SV2B: variants seen among roughly 807,000 people sequenced by gnomAD.
SV2B encodes the protein synaptic vesicle glycoprotein 2B, also known as solute carrier family 22 member B2.
Under a neutral mutation model 73.9 loss-of-function variants are expected in SV2B, and 41 were observed. That is an observed-to-expected ratio of 0.56 (90% CI 0.43 to 0.72). SV2B has a LOEUF of 0.72. Among genes scored for constraint, SV2B ranks in the 30% least tolerant of loss-of-function variants. The probability of loss-of-function intolerance (pLI) is 0.00; values close to 1 mark genes in which losing one functional copy is unlikely to be tolerated. For synonymous variants in SV2B, 314 were observed against 314.2 expected, an observed-to-expected ratio of 1.00 and a Z score of 0.01; for missense variants, 764 against 857.8, an observed-to-expected ratio of 0.89 and a Z score of 1.37.
intron 1 of SV2B, among the ~76,000 whole-genome samples, chr15:91,203,459 G>T (rs867904874): frequency 1.3e-5 from 2 of 152,226 alleles, no homozygotes; most frequent in African/African-American, 4.8e-5. Flanking sequence ...AAAGCATCAA[G>T]AATGTTCTAT....
intron 1 of SV2B, among the ~76,000 whole-genome samples, chr15:91,213,793 T>C (rs1012429169): frequency 6.6e-6 from 1 of 152,212 alleles, no homozygotes; most frequent in African/African-American, 2.4e-5. Flanking sequence ...GTTATGTTAT[T>C]GATGGTAGCC....
At chr15:91,262,140 T>C (rs1219652249) in intron 6 of SV2B, among the ~76,000 whole-genome samples, 1 of 152,234 alleles carries the variant, frequency 6.6e-6, no homozygotes, top group East Asian at 1.9e-4. Flanking sequence ...TTTGACACTT[T>C]CTAGCTGTGT....
Position 91,229,624 on chromosome 15 carries a change from G to A in SV2B, c.451+2910G>A, listed in dbSNP as rs2046496032. ...TGTTTGCAAAATGGAGATAATAATAGTATCTACTTCATAGGATTATTCTGA... is the reference window on the plus strand; with the variant it reads ...TGTTTGCAAAATGGAGATAATAATAATATCTACTTCATAGGATTATTCTGA... On this transcript the variant is annotated intron_variant, in intron 2 of 12. Coordinates refer to ENST00000394232, the MANE Select transcript of SV2B (RefSeq NM_001323032.3). The surrounding 1 kb of genome is among the most constrained non-coding windows in gnomAD (Gnocchi z 4.3). 6.6e-6 allele frequency among the ~76,000 whole-genome samples: 1 copy of A among 152,062 alleles called. No individual in the cohort carries two copies. The highest frequency in any genetic ancestry group is 2.4e-5 in the African/African-American group (1 of 41,412).
chr15:91,227,428 T>C lies in SV2B; in HGVS notation c.451+714T>C, dbSNP rs1255982277. Reference sequence around the variant, plus strand: ...GAGACGGTGTGCACAAATGGTGTGATGTAGAAAAGATTCATCATCATATGG... The same window carrying C: ...GAGACGGTGTGCACAAATGGTGTGACGTAGAAAAGATTCATCATCATATGG... On this transcript the variant is annotated intron_variant, in intron 2 of 12. Transcript: ENST00000394232. This position sits in a 1 kb window ranked among gnomAD's most constrained non-coding sequence, Gnocchi z 4.5. 5.3e-5 allele frequency among the ~76,000 whole-genome samples: 8 copies of C among 152,330 alleles called. No homozygotes were observed. Among genetic ancestry groups the C allele is most frequent in the African/African-American group, 1.9e-4 (8 of 41,574 alleles).
Position 91,180,997 on chromosome 15 carries a change from C to T in SV2B, c.-391-44876C>T, listed in dbSNP as rs561359193. On this transcript the variant is annotated intron_variant, in intron 1 of 12. Transcript: ENST00000394232. ...CTTTTTAGAGTTTCCATTTTTTCTG[C>T]TCTGTTTTTTCCCCATCTTTGTGGT... Among the ~76,000 whole-genome samples, 6 of 152,298 alleles carry T rather than the reference C, an allele frequency of 3.9e-5. No individual in the cohort carries two copies. In the South Asian group the frequency reaches 6.2e-4, roughly 16 times the overall value.
chr15:91,218,259 G>T (rs1359986374), intron 1 of SV2B, among the ~76,000 whole-genome samples: 1 of 152,202 alleles, frequency 6.6e-6, no homozygotes, highest in Non-Finnish European at 1.5e-5. Flanking sequence ...ACCAAGGCCT[G>T]TCTGCTCAGT....
chr15:91,209,068 A>T (rs2045747774), intron 1 of SV2B, among the ~76,000 whole-genome samples: 1 of 150,142 alleles, frequency 6.7e-6, no homozygotes, highest in Non-Finnish European at 1.5e-5. Context: ...GTTGCTTGCC[A>T]GTTAGCCATC....
intron 1 of SV2B, among the ~76,000 whole-genome samples, chr15:91,154,267 A>G (rs1481984351): frequency 1.3e-5 from 2 of 151,938 alleles, no homozygotes. Context: ...ATCTCTGGAA[A>G]GAGACTATTT....
At chr15:91,179,382 G>A (rs2044457845) in intron 1 of SV2B, among the ~76,000 whole-genome samples, 2 of 152,196 alleles carry the variant, frequency 1.3e-5, no homozygotes, top group Admixed American at 1.3e-4. Context: ...GATTTGGGGT[G>A]GAGAGTTCTG....
intron 1 of SV2B, among the ~76,000 whole-genome samples, chr15:91,155,327 A>C (rs2043451187): frequency 6.6e-6 from 1 of 152,210 alleles, no homozygotes; most frequent in Non-Finnish European, 1.5e-5. Context: ...AGTGAGTATT[A>C]ACTGTAGATG....
intron 9 of SV2B, among the ~76,000 whole-genome samples, chr15:91,279,910 C>A (rs2048630734): frequency 6.6e-6 from 1 of 152,166 alleles, no homozygotes; most frequent in East Asian, 1.9e-4. Flanking sequence ...TTAGTGATAG[C>A]TTTTGGAGGC....
In SV2B at chr15:91,265,934, A is replaced by C. The variant is rs2048083788; in HGVS notation, c.1009-648A>C. On this transcript the variant is annotated intron_variant, in intron 6 of 12. Coordinates refer to ENST00000394232, the MANE Select transcript of SV2B (RefSeq NM_001323032.3). This position sits in a 1 kb window ranked among gnomAD's most constrained non-coding sequence, Gnocchi z 4.2. ...AAGGCAGGTGGATCACGAGGCCAGGAGATGGAGACCATCCTGGCCAACATG... is the reference window on the plus strand; with the variant it reads ...AAGGCAGGTGGATCACGAGGCCAGGCGATGGAGACCATCCTGGCCAACATG... 6.6e-6 allele frequency among the ~76,000 whole-genome samples: 1 copy of C among 152,226 alleles called. No homozygotes were observed. The highest frequency in any genetic ancestry group is 1.5e-5 in the Non-Finnish European group (1 of 68,034).
chr15:91,257,859 C>T (rs187353291), intron 4 of SV2B, among the ~76,000 whole-genome samples: 20 of 152,218 alleles, frequency 1.3e-4, no homozygotes, highest in Admixed American at 1.2e-3. Context: ...CTCAAGAAAT[C>T]AAGACAGGAG....
In SV2B at chr15:91,128,437, A is replaced by C. The variant is rs1161649949; in HGVS notation, c.-392+28074A>C. ...CCCGCAAACCCTCACCTGGCTGAAT[A>C]TGAGATCCCTACATTGCTATTGGCG... is the stretch of plus-strand genomic sequence containing the variant. On this transcript the variant is annotated intron_variant, in intron 1 of 12. Transcript: ENST00000394232. This position sits in a 1 kb window ranked among gnomAD's most constrained non-coding sequence, Gnocchi z 4.2. Among the ~76,000 whole-genome samples the C allele has an allele frequency of 6.6e-6, 1 of 152,188 alleles. No individual in the cohort carries two copies. The highest frequency in any genetic ancestry group is 1.5e-5 in the Non-Finnish European group (1 of 68,036).
chr15:91,138,847 A>C (rs2042920010), intron 1 of SV2B, among the ~76,000 whole-genome samples: 1 of 152,216 alleles, frequency 6.6e-6, no homozygotes, highest in South Asian at 2.1e-4. Context: ...GTATAGGACA[A>C]ACTATCTGGT....
intron 1 of SV2B, among the ~76,000 whole-genome samples, chr15:91,168,968 A>AGAGAGAAC (rs2044017174): frequency 1.3e-5 from 2 of 152,326 alleles, no homozygotes; most frequent in African/African-American, 4.8e-5. Flanking sequence ...TCTTATCTGC[A>AGAGAGAAC]GAGAGAACCT....
chr15:91,262,459 A>AT (rs916219211), intron 6 of SV2B, among the ~76,000 whole-genome samples: 5 of 152,080 alleles, frequency 3.3e-5, no homozygotes, highest in African/African-American at 1.2e-4. Context: ...TTTTCCTGCC[A>AT]TTTTTTTAAA....
chr15:91,267,223 C>G lies in SV2B; in HGVS notation c.1120-332C>G, dbSNP rs562297898. Among the ~76,000 whole-genome samples the G allele has an allele frequency of 6.6e-6, 1 of 152,312 alleles. No individual in the cohort carries two copies. Among genetic ancestry groups the G allele is most frequent in the East Asian group, 1.9e-4 (1 of 5,186 alleles). On this transcript the variant is annotated intron_variant, in intron 7 of 12. Transcript: ENST00000394232. This position sits in a 1 kb window ranked among gnomAD's most constrained non-coding sequence, Gnocchi z 4.3. ...GGTCAGTAAATGTTTGCAATATCCC[C>G]CTTGCCCACAGGCAGGGAGTAGAAC... is the stretch of plus-strand genomic sequence containing the variant.
chr15:91,247,103 T>C (rs1237122961), intron 2 of SV2B, among the ~76,000 whole-genome samples: 1 of 152,220 alleles, frequency 6.6e-6, no homozygotes, highest in Non-Finnish European at 1.5e-5. Context: ...TTTCCTAGAC[T>C]TCAAAGACAG....
Sources: gnomAD v4.1 joint callset for allele counts (sites outside exome capture counted in the v4.1 genomes callset) on GRCh38, gnomAD v4.1.1 for gene constraint, Gnocchi (gnomAD v3.1) non-coding constraint, MANE v1.5 for transcripts, NCBI Gene and HGNC (gene_info 2026-07-23, HGNC 2026-07-21) for gene names.